The following MYT1 variants were observed in gnomAD, a reference collection of about 807,000 sequenced individuals.
MYT1 encodes myelin transcription factor 1.
MYT1 carries 23 observed loss-of-function variants against 123.0 expected under a neutral mutation model. That is an observed-to-expected ratio of 0.19 (90% confidence interval 0.13 to 0.26). The LOEUF (loss-of-function observed/expected upper bound fraction) is 0.26, where lower values mean the gene tolerates loss of function less well. Among genes scored for constraint, MYT1 ranks in the 10% least tolerant of loss-of-function variants. MYT1 has a pLI of 1.00. For synonymous variants in MYT1, 518 were observed against 575.3 expected, an observed-to-expected ratio of 0.90 and a Z score of 1.43; for missense variants, 1,125 against 1,472.5, an observed-to-expected ratio of 0.76 and a Z score of 3.86.
rs1274484688 is a variant in MYT1, at chr20:64,193,278, G to A, written c.-1+3118G>A. On this transcript the variant is annotated intron_variant, in intron 2 of 22. Transcript: ENST00000328439. The surrounding 1 kb of genome is among the most constrained non-coding windows in gnomAD (Gnocchi z 4.0). ...GAGAGTGGAAAGCAGGATGTGTGCT[G>A]AGGTCACCGACTTTCTATATCTGTT... Among the ~76,000 whole-genome samples, 2 of 152,166 alleles carry A rather than the reference G, an allele frequency of 1.3e-5. No individual in the cohort carries two copies. Among genetic ancestry groups the A allele is most frequent in the Non-Finnish European group, 2.9e-5 (2 of 68,034 alleles).
intron 19 of MYT1, among the ~76,000 whole-genome samples, chr20:64,233,833 G>A (rs1984417388): frequency 1.3e-5 from 2 of 152,178 alleles, no homozygotes; most frequent in African/African-American, 4.8e-5. Flanking sequence ...GGAACAGCCT[G>A]GCCCGCTGGA....
At chr20:64,229,449 A>G (rs1411068456) in intron 18 of MYT1, among the ~76,000 whole-genome samples, 2 of 152,242 alleles carry the variant, frequency 1.3e-5, no homozygotes, top group Non-Finnish European at 2.9e-5. Context: ...AGCTTTAAAA[A>G]AAAACAAGAG....
intron 2 of MYT1, among the ~76,000 whole-genome samples, chr20:64,194,517 GGCCAGGCTTCA>G (rs1413126215): frequency 2.6e-5 from 4 of 152,252 alleles, no homozygotes; most frequent in African/African-American, 9.6e-5. Context: ...CTCCTGCTGG[GGCCAGGCTTCA>G]GCCAGGATTC....
chr20:64,185,686 C>T lies in MYT1; in HGVS notation c.-98-4377C>T, dbSNP rs1043633767. Among the ~76,000 whole-genome samples the T allele has an allele frequency of 3.9e-5, 6 of 152,280 alleles. No individual in the cohort carries two copies. Among genetic ancestry groups the T allele is most frequent in the Non-Finnish European group, 5.9e-5 (4 of 68,018 alleles). ...GGGCTCAGGCCAGATTCCAGGCTAC[C>T]GAGCCAGCATGAAAACAGCCACGGT... is the stretch of plus-strand genomic sequence containing the variant. On this transcript the variant is annotated intron_variant, in intron 1 of 22. Coordinates refer to ENST00000328439, the MANE Select transcript of MYT1 (RefSeq NM_004535.3). This position sits in a 1 kb window ranked among gnomAD's most constrained non-coding sequence, Gnocchi z 4.5.
chr20:64,170,959 G>T (rs1982260953), intron 1 of MYT1, among the ~76,000 whole-genome samples: 1 of 139,636 alleles, frequency 7.2e-6, no homozygotes, highest in African/African-American at 2.7e-5. Context: ...TGTTGGCCTG[G>T]CTGGAGTGCA....
At chr20:64,173,607 A>C (rs1241355386) in intron 1 of MYT1, among the ~76,000 whole-genome samples, 1 of 139,386 alleles carries the variant, frequency 7.2e-6, no homozygotes, top group Non-Finnish European at 1.5e-5. Context: ...AGTTGTGTCC[A>C]TTTCCCCTCC....
At chr20:64,234,827 GAGCT>G (rs1984453272) in intron 19 of MYT1, among the ~76,000 whole-genome samples, 1 of 144,038 alleles carries the variant, frequency 6.9e-6, no homozygotes, top group Non-Finnish European at 1.5e-5. Context: ...GGGTGACCCC[GAGCT>G]GGCTGTGGTG....
In MYT1 at chr20:64,189,870, A is replaced by G. The variant is rs531096526; in HGVS notation, c.-98-193A>G. ...TCCAGGGAGGCCCCAAGTCAGAGAG[A>G]AATTGTCTCTTGTTCCTGAAGCAGC... On this transcript the variant is annotated intron_variant, in intron 1 of 22. Coordinates refer to ENST00000328439, the MANE Select transcript of MYT1 (RefSeq NM_004535.3). The surrounding 1 kb of genome is among the most constrained non-coding windows in gnomAD (Gnocchi z 5.5). 1.3e-5 allele frequency among the ~76,000 whole-genome samples: 2 copies of G among 152,208 alleles called. No homozygotes were observed. Among genetic ancestry groups the G allele is most frequent in the South Asian group, 4.2e-4 (2 of 4,796 alleles).
rs112244583 is a variant in MYT1, at chr20:64,170,931, A to T, written c.-99+6192A>T. On this transcript the variant is annotated intron_variant, in intron 1 of 22. Transcript: ENST00000328439. ...GAGAGAGAGAGAGAGAGAGAGAGAG[A>T]GAGACGGAGTCTTGCTCTGTTGGCC... 5.6e-3 allele frequency among the ~76,000 whole-genome samples: 710 copies of T among 126,180 alleles called. 15 individuals carry two copies. Among genetic ancestry groups the T allele is most frequent in the African/African-American group, 0.017 (522 of 31,200 alleles). 82.8% of individuals were successfully genotyped at this position (126,180 alleles called of 152,430 possible).
Position 64,237,331 on chromosome 20 carries a change from C to T in MYT1, c.3034C>T (p.Arg1012Ter). The T allele has an allele frequency of 6.2e-7, 1 of 1,611,064 alleles. No homozygotes were observed. Among genetic ancestry groups the T allele is most frequent in the Non-Finnish European group, 8.5e-7 (1 of 1,179,322 alleles). ...GATCAAGCAGCTGAACCAGGAGATCCGAGACCTGAACGAGTCCAACTCGGA... is the reference window on the plus strand; with the variant it reads ...GATCAAGCAGCTGAACCAGGAGATCTGAGACCTGAACGAGTCCAACTCGGA... ...EEIKQLNQEI[R>*]DLNESNSEME... Residue 1012 changes from arginine to a stop codon, truncating the protein, a stop_gained, in exon 21 of 23, where the codon CGA becomes TGA. Transcript: ENST00000328439. LOFTEE classifies it high-confidence loss of function.
intron 16 of MYT1, among the ~76,000 whole-genome samples, chr20:64,223,773 C>G (rs945593217): frequency 6.6e-6 from 1 of 152,140 alleles, no homozygotes; most frequent in Non-Finnish European, 1.5e-5. Flanking sequence ...ACAGGCTGTG[C>G]GGCTCTTGCT....
intron 10 of MYT1, among the ~76,000 whole-genome samples, chr20:64,215,179 G>A (rs906314887): frequency 1.3e-5 from 2 of 152,288 alleles, no homozygotes; most frequent in East Asian, 3.9e-4. Flanking sequence ...CTAAATCACC[G>A]ATAAAATGTC....
chr20:64,210,338 G>T (rs1983628447), intron 7 of MYT1, among the ~76,000 whole-genome samples: 6 of 152,254 alleles, frequency 3.9e-5, no homozygotes, highest in Admixed American at 3.9e-4. Context: ...GGTTCTGAGG[G>T]ACTGATGTTG....
chr20:64,236,427 G>C (rs2145737184), intron 19 of MYT1, 128 bp from the exon 20 acceptor site: 1 of 701,956 alleles, frequency 1.4e-6, no homozygotes, highest in East Asian at 2.7e-5. Context: ...GTGACCCTGG[G>C]ATGGTCGTGG....
intron 2 of MYT1, among the ~76,000 whole-genome samples, chr20:64,198,234 C>T (rs1179696498): frequency 6.8e-6 from 1 of 146,554 alleles, no homozygotes; most frequent in African/African-American, 2.6e-5. Context: ...TTGCAGTGAG[C>T]CGAGATCGCG....
At chr20:64,210,037 T>A (rs1311397832) in intron 7 of MYT1, among the ~76,000 whole-genome samples, 69 of 152,316 alleles carry the variant, frequency 4.5e-4, no homozygotes, top group Non-Finnish European at 9.1e-4. Flanking sequence ...GGGTGGTTAC[T>A]AGCCTGGCTG....
In MYT1 at chr20:64,189,109, A is replaced by C. The variant is rs1390804681; in HGVS notation, c.-98-954A>C. Among the ~76,000 whole-genome samples, 1 of 152,244 alleles carries C rather than the reference A, an allele frequency of 6.6e-6. No individual in the cohort carries two copies. Among genetic ancestry groups the C allele is most frequent in the African/African-American group, 2.4e-5 (1 of 41,466 alleles). ...GCTGCCTGGGGCCAGGAGTGGCCAG[A>C]ACCCTAGAGAAGAATTGCATTTGGG... On this transcript the variant is annotated intron_variant, in intron 1 of 22. Transcript: ENST00000328439. The surrounding 1 kb of genome is among the most constrained non-coding windows in gnomAD (Gnocchi z 5.5).
chr20:64,178,899 G>A (rs1277930075), intron 1 of MYT1, among the ~76,000 whole-genome samples: 1 of 122,640 alleles, frequency 8.2e-6, no homozygotes, highest in Admixed American at 8.1e-5. Context: ...TTATTCAGTG[G>A]GATGCCCTTC....
chr20:64,223,964 G>T lies in MYT1; in HGVS notation c.2528+605G>T, dbSNP rs142369622. Among the ~76,000 whole-genome samples, 33 of 152,308 alleles carry T rather than the reference G, an allele frequency of 2.2e-4. No individual in the cohort carries two copies. The East Asian group carries it at 5.6e-3, about 26-fold the overall frequency. On this transcript the variant is annotated intron_variant, in intron 16 of 22. Transcript: ENST00000328439. Reference sequence around the variant, plus strand: ...CCTACCTAACACATGGGCAGGGCAGGCCCTGCAGGCACCAGCTATAGCTTG... The same window carrying T: ...CCTACCTAACACATGGGCAGGGCAGTCCCTGCAGGCACCAGCTATAGCTTG...
Sources: allele counts gnomAD v4.1 joint callset (sites outside exome capture counted in the v4.1 genomes callset), GRCh38; gene constraint gnomAD v4.1.1; non-coding constraint Gnocchi (gnomAD v3.1); transcripts MANE v1.5; gene names NCBI Gene and HGNC (gene_info 2026-07-23, HGNC 2026-07-21).